Variants in LCA5L observed in about 807,000 individuals in gnomAD.
LCA5L encodes lebercilin LCA5 like.
Under a neutral mutation model 45.4 loss-of-function variants are expected in LCA5L, and 35 were observed. The observed-to-expected ratio is 0.77, with a 90% CI of 0.59 to 1.02. The LOEUF (loss-of-function observed/expected upper bound fraction) is 1.02. Among genes scored for constraint, LCA5L ranks in the 50% least tolerant of loss-of-function variants. The pLI, the probability that LCA5L is intolerant of heterozygous loss-of-function variation, is 0.00. For missense variants in LCA5L, 668 were observed against 761.6 expected (o/e 0.88, Z 1.45); for synonymous variants, 233 against 264.7 (o/e 0.88, Z 1.16).
Position 39,431,136 on chromosome 21 carries a change from C to G in LCA5L, c.-91-1925G>C, listed in dbSNP as rs1376089346. On this transcript the variant is annotated intron_variant, in intron 3 of 10. Coordinates refer to ENST00000288350, the MANE Select transcript of LCA5L (RefSeq NM_152505.4). ...CAGATTAAAATGTCCCCTAATGAGGCTTTCTAGACTTAGCTGTGAGAAAGG... is the reference window on the plus strand; with the variant it reads ...CAGATTAAAATGTCCCCTAATGAGGGTTTCTAGACTTAGCTGTGAGAAAGG... 2.0e-5 allele frequency among the ~76,000 whole-genome samples: 3 copies of G among 152,322 alleles called. No individual in the cohort carries two copies. The East Asian group carries it at 5.8e-4, about 29-fold the overall frequency.
chr21:39,423,626 G>A (rs533846833), intron 5 of LCA5L, 136 bp from the exon 6 acceptor site: 3 of 664,184 alleles, frequency 4.5e-6, no homozygotes, highest in Non-Finnish European at 7.0e-6. Flanking sequence ...GTAACTAGAA[G>A]GGGACAAAAC....
rs1341489035 is a variant in LCA5L, at chr21:39,414,742, C to CTCTGTGTGTG, written c.976-2941_976-2940insCACACACAGA. Among the ~76,000 whole-genome samples, 81 of 99,236 alleles carry CTCTGTGTGTG rather than the reference C, an allele frequency of 8.2e-4. 1 individual carries two copies. Among genetic ancestry groups the CTCTGTGTGTG allele is most frequent in the African/African-American group, 2.6e-3 (60 of 22,742 alleles). The allele number at this position is 99,236 out of a possible 152,430, so 65.1% of individuals were successfully genotyped here. A position where few individuals can be genotyped will look rare whatever the true frequency, so the allele number is the denominator to read the frequency against. ...TCTCTCTCTCTCTCTCTCTCTCTCT[C>CTCTGTGTGTG]TGTGTGTGTGTGTGTGTGTGTGTGT... On this transcript the variant is annotated intron_variant, in intron 7 of 10. Coordinates refer to ENST00000288350, the MANE Select transcript of LCA5L (RefSeq NM_152505.4).
At position 39,409,239 on chromosome 21, in the gene LCA5L, C is replaced by G. The variant is rs148668590; in HGVS notation, c.1282+740G>C. ...TAGTGAGAAGCGGGACATCTAAAGC[C>G]AGGAAGAGGGCCTTAACTGAAGCCA... is the stretch of plus-strand genomic sequence containing the variant. On this transcript the variant is annotated intron_variant, in intron 10 of 10. Transcript: ENST00000288350. The surrounding 1 kb of genome is among the most constrained non-coding windows in gnomAD (Gnocchi z 4.2). Among the ~76,000 whole-genome samples, 86 of 152,256 alleles carry G rather than the reference C, an allele frequency of 5.6e-4. No homozygotes were observed. Among genetic ancestry groups the G allele is most frequent in the Non-Finnish European group, 1.1e-3 (77 of 68,012 alleles).
chr21:39,440,984 T>C (rs1202620587), intron 2 of LCA5L, among the ~76,000 whole-genome samples: 1 of 152,172 alleles, frequency 6.6e-6, no homozygotes, highest in Non-Finnish European at 1.5e-5. Flanking sequence ...TGTCCCAATT[T>C]TTTGCTTCAG....
rs529877288 is a variant in LCA5L at position 39,432,323 on chromosome 21, A to G, written c.-92+3097T>C. 5.9e-5 allele frequency among the ~76,000 whole-genome samples: 9 copies of G among 152,320 alleles called. No individual in the cohort carries two copies. In the East Asian group the frequency reaches 1.3e-3, roughly 23 times the overall value. On this transcript the variant is annotated intron_variant, in intron 3 of 10. Transcript: ENST00000288350. ...TAATGGCATAGTCTTTGACAAAAAG[A>G]GGTCATAAGAAAAACTGGGACCAGA...
chr21:39,408,192 A>G (rs969835428), intron 10 of LCA5L, among the ~76,000 whole-genome samples: 21 of 152,366 alleles, frequency 1.4e-4, no homozygotes, highest in African/African-American at 4.8e-4. Context: ...CACATCTTCA[A>G]AATTCCAAAG....
intron 7 of LCA5L, among the ~76,000 whole-genome samples, chr21:39,415,501 C>G (rs540370860): frequency 2.0e-5 from 3 of 152,278 alleles, no homozygotes; most frequent in South Asian, 2.1e-4. Flanking sequence ...TTATTTGAAG[C>G]AAATCTAGAC....
At chr21:39,440,931 G>A (rs2076775322) in intron 2 of LCA5L, among the ~76,000 whole-genome samples, 2 of 152,116 alleles carry the variant, frequency 1.3e-5, no homozygotes, top group African/African-American at 2.4e-5. Flanking sequence ...AATATCTTAC[G>A]GTTTTCAAGA....
At position 39,428,394 on chromosome 21, in the gene LCA5L, CTGGG is replaced by C. The variant is rs1422470260; in HGVS notation, c.96_99del (p.Ser32ArgfsTer29). 17 of 1,613,092 alleles carry C rather than the reference CTGGG, an allele frequency of 1.1e-5. No homozygotes were observed. The highest frequency in any genetic ancestry group is 1.4e-5 in the Non-Finnish European group (17 of 1,179,724). On this transcript the variant is annotated frameshift_variant, in exon 5 of 11. Transcript: ENST00000288350. LOFTEE classifies it high-confidence loss of function. Reference sequence around the variant, plus strand: ...CTGTTCCGTGAAAAATCGCCTGTGCCTGGGCTTCTCTTGCATGCTGCAGACCTCC... The same window carrying C: ...CTGTTCCGTGAAAAATCGCCTGTGCCCTTCTCTTGCATGCTGCAGACCTCC...
At chr21:39,411,462 A>G (rs2040072981) in intron 8 of LCA5L, among the ~76,000 whole-genome samples, 1 of 152,206 alleles carries the variant, frequency 6.6e-6, no homozygotes, top group African/African-American at 2.4e-5. Context: ...TTTTGCTTCA[A>G]GCTGAAGTTA....
At chr21:39,445,492 G>C (rs570333327) in intron 1 of LCA5L, 4 of 152,410 alleles carry the variant, frequency 2.6e-5, no homozygotes, top group South Asian at 2.1e-4. Flanking sequence ...CTGAGAGTAC[G>C]TGTGTCGCCG....
intron 7 of LCA5L, 52 bp downstream of exon 7, chr21:39,420,654 T>C: frequency 6.7e-7 from 1 of 1,491,266 alleles, no homozygotes. Flanking sequence ...AAATAGCTCA[T>C]ATATTTCGGG....
chr21:39,428,753 C>CGG (rs1371393193), intron 4 of LCA5L, among the ~76,000 whole-genome samples: 2 of 149,962 alleles, frequency 1.3e-5, no homozygotes, highest in Admixed American at 6.7e-5. Flanking sequence ...GCTGGGACTA[C>CGG]GAGTGTGTGC....
chr21:39,414,940 C>G (rs1388818908), intron 7 of LCA5L, among the ~76,000 whole-genome samples: 3 of 152,106 alleles, frequency 2.0e-5, no homozygotes, highest in Non-Finnish European at 4.4e-5. Context: ...AGACAAGAGT[C>G]TCTCTCTGTT....
At chr21:39,441,701 G>C (rs754828406) in intron 2 of LCA5L, among the ~76,000 whole-genome samples, 1 of 152,162 alleles carries the variant, frequency 6.6e-6, no homozygotes, top group Non-Finnish European at 1.5e-5. Flanking sequence ...CTTCCACCAA[G>C]TGGTGGCAAG....
intron 6 of LCA5L, chr21:39,421,602 C>A (rs2073781088): frequency 6.6e-6 from 1 of 152,118 alleles, no homozygotes; most frequent in African/African-American, 2.4e-5. Flanking sequence ...TATTGGAGAA[C>A]TGTTAGATCT....
At chr21:39,410,482 C>T (rs2039896903) in intron 8 of LCA5L, 115 bp from the exon 9 acceptor site, 1 of 576,946 alleles carries the variant, frequency 1.7e-6, no homozygotes. Context: ...TAAGTATTTT[C>T]TAAATATTCA....
intron 2 of LCA5L, among the ~76,000 whole-genome samples, chr21:39,438,436 GATAAAAATAACTGC>G (rs1433314716): frequency 6.6e-6 from 1 of 151,842 alleles, no homozygotes; most frequent in Non-Finnish European, 1.5e-5. Flanking sequence ...GGAAACAACT[GATAAAAATAACTGC>G]ATAAAAATAT....
At chr21:39,425,801 G>A (rs1428014115) in intron 5 of LCA5L, 1 of 152,380 alleles carries the variant, frequency 6.6e-6, no homozygotes, top group Non-Finnish European at 1.5e-5. Flanking sequence ...ATTTCACTGA[G>A]ATGAGAAGGA....
Sources: gnomAD v4.1 joint callset for allele counts (sites outside exome capture counted in the v4.1 genomes callset) on GRCh38, gnomAD v4.1.1 for gene constraint, Gnocchi (gnomAD v3.1) non-coding constraint, MANE v1.5 for transcripts, NCBI Gene and HGNC (gene_info 2026-07-23, HGNC 2026-07-21) for gene names.